CEMIP: variants seen among roughly 807,000 people sequenced by gnomAD.
CEMIP encodes cell migration-inducing and hyaluronan-binding protein.
Under a neutral mutation model 156.9 loss-of-function variants are expected in CEMIP, and 105 were observed. The observed-to-expected ratio is 0.67, with a 90% confidence interval of 0.57 to 0.79. The LOEUF (loss-of-function observed/expected upper bound fraction) is 0.79, where lower values mean the gene tolerates loss of function less well. Among genes scored for constraint, CEMIP ranks in the 30% least tolerant of loss-of-function variants. The pLI is 0.00. For synonymous variants in CEMIP, 676 were observed against 668.4 expected (o/e 1.01, Z -0.17); for missense variants, 1,457 against 1,769.4 (o/e 0.82, Z 3.17).
At chr15:80,781,585 A>T (rs1220614541) in intron 1 of CEMIP, among the ~76,000 whole-genome samples, 2 of 152,198 alleles carry the variant, frequency 1.3e-5, no homozygotes, top group Non-Finnish European at 2.9e-5. Context: ...TAAAATTACA[A>T]GAAACGCAGG....
At chr15:80,848,006 GA>G (rs758910636) in intron 1 of CEMIP, among the ~76,000 whole-genome samples, 4 of 152,224 alleles carry the variant, frequency 2.6e-5, no homozygotes, top group Non-Finnish European at 4.4e-5. Context: ...CAGGGACAAA[GA>G]GGACTTTATC....
rs760624382 is a variant in CEMIP, at chr15:80,924,689, C to T, written c.2271C>T (p.Leu757=). The T allele has an allele frequency of 6.2e-7, 1 of 1,614,220 alleles. No individual in the cohort carries two copies. The highest frequency in any genetic ancestry group is 2.2e-5 in the East Asian group (1 of 44,886). Residue 757 remains leucine, a synonymous_variant, in exon 18 of 30, where the codon CTC becomes CTT. Transcript: ENST00000394685. ...CTGCCAAGGACAAGCGGCCGTTCCTCTCAATCATCTCTGCCAGGTAATCAG... is the reference window on the plus strand; with the variant it reads ...CTGCCAAGGACAAGCGGCCGTTCCTTTCAATCATCTCTGCCAGGTAATCAG... ...EASAKDKRPF[L]SIISARYSPH...
intron 25 of CEMIP, among the ~76,000 whole-genome samples, chr15:80,939,738 T>C (rs962186414): frequency 6.6e-6 from 1 of 152,212 alleles, no homozygotes; most frequent in African/African-American, 2.4e-5. Context: ...AGTTGGGTTA[T>C]AGGGGGTCTG....
chr15:80,928,420 T>C (rs375159331), intron 19 of CEMIP, among the ~76,000 whole-genome samples: 1 of 152,082 alleles, frequency 6.6e-6, no homozygotes, highest in Non-Finnish European at 1.5e-5. Flanking sequence ...TCCTGGAAAC[T>C]TGAAAAGTAG....
At chr15:80,851,731 G>A (rs191685457) in intron 1 of CEMIP, among the ~76,000 whole-genome samples, 193 of 152,266 alleles carry the variant, frequency 1.3e-3, no homozygotes, top group Non-Finnish European at 2.0e-3. Context: ...TGGTACTAGC[G>A]TGGCCAGAGT....
rs978103078 is a variant in CEMIP, at chr15:80,951,151, G to A, written c.*2227G>A. 2.6e-5 allele frequency: 4 copies of A among 152,670 alleles called. No individual in the cohort carries two copies. Among genetic ancestry groups the A allele is most frequent in the Non-Finnish European group, 5.9e-5 (4 of 68,046 alleles). 9.5% of individuals were successfully genotyped at this position (152,670 alleles called of 1,614,324 possible). A position where few individuals can be genotyped will look rare whatever the true frequency, so the allele number is the denominator to read the frequency against. ...TCCTTCTTGTCCACGGTTTTGTTGA[G>A]TTTTCACTCTTCTAATGCAAGGGTC... On this transcript the variant is annotated 3_prime_UTR_variant, in exon 30 of 30. Coordinates refer to ENST00000394685, the MANE Select transcript of CEMIP (RefSeq NM_001293298.2).
At chr15:80,946,767 A>G in intron 28 of CEMIP, 198 bp from the exon 29 acceptor site, 1 of 604,708 alleles carries the variant, frequency 1.7e-6, no homozygotes, top group Non-Finnish European at 3.0e-6. Flanking sequence ...TGTGGGAGGG[A>G]GCTCAGGATG....
chr15:80,900,203 G>C (rs917107900), intron 12 of CEMIP, among the ~76,000 whole-genome samples: 4 of 152,216 alleles, frequency 2.6e-5, no homozygotes, highest in Admixed American at 2.0e-4. Context: ...GTGTGCGTCA[G>C]AGCATTTCTG....
intron 1 of CEMIP, among the ~76,000 whole-genome samples, chr15:80,785,787 A>G (rs1356248731): frequency 1.3e-5 from 2 of 152,156 alleles, no homozygotes; most frequent in African/African-American, 4.8e-5. Context: ...TTTCAGATGC[A>G]TGAAGTTTCT....
At chr15:80,869,198 G>C (rs1028410767) in intron 1 of CEMIP, among the ~76,000 whole-genome samples, 2 of 152,152 alleles carry the variant, frequency 1.3e-5, no homozygotes, top group Non-Finnish European at 2.9e-5. Context: ...TATTGGATTA[G>C]GGCCCACCCG....
intron 1 of CEMIP, among the ~76,000 whole-genome samples, chr15:80,858,585 T>A (rs12913146): frequency 6.6e-6 from 1 of 150,734 alleles, no homozygotes; most frequent in Non-Finnish European, 1.5e-5. Flanking sequence ...ATTAGCTGGG[T>A]GTGGTGGCAC....
At chr15:80,885,650 G>T (rs754132444) in intron 7 of CEMIP, among the ~76,000 whole-genome samples, 2 of 152,204 alleles carry the variant, frequency 1.3e-5, no homozygotes, top group African/African-American at 2.4e-5. Flanking sequence ...CCTTCCAGGA[G>T]GTGTGACTGC....
At chr15:80,858,647 C>A (rs1897911704) in intron 1 of CEMIP, among the ~76,000 whole-genome samples, 1 of 152,006 alleles carries the variant, frequency 6.6e-6, no homozygotes. Context: ...ATCCCTTGAA[C>A]CTGGGAGGCA....
At chr15:80,901,035 T>G in intron 12 of CEMIP, 1 of 451,998 alleles carries the variant, frequency 2.2e-6, no homozygotes, top group South Asian at 1.6e-5. Flanking sequence ...AATTTCAAAA[T>G]TTTGTCAACC....
chr15:80,877,202 A>T (rs549161135), intron 3 of CEMIP, among the ~76,000 whole-genome samples: 1 of 152,158 alleles, frequency 6.6e-6, no homozygotes, highest in Non-Finnish European at 1.5e-5. Flanking sequence ...GAGAGCTACA[A>T]TTCAAGATGA....
At chr15:80,904,103 G>C (rs1899686694) in intron 12 of CEMIP, among the ~76,000 whole-genome samples, 1 of 152,230 alleles carries the variant, frequency 6.6e-6, no homozygotes, top group South Asian at 2.1e-4. Context: ...TCCACGTGTG[G>C]TGTCCACTCC....
chr15:80,943,331 C>A (rs1028362126), intron 28 of CEMIP, among the ~76,000 whole-genome samples: 1 of 152,218 alleles, frequency 6.6e-6, no homozygotes, highest in South Asian at 2.1e-4. Flanking sequence ...GCAGGCGGGA[C>A]AGCCCCGCTG....
At chr15:80,854,234 G>A (rs888110954) in intron 1 of CEMIP, among the ~76,000 whole-genome samples, 6 of 152,228 alleles carry the variant, frequency 3.9e-5, no homozygotes, top group Admixed American at 6.5e-5. Context: ...CAACACGGCC[G>A]ACTAGAGCTG....
Position 80,800,021 on chromosome 15 carries a change from ATGTG to A in CEMIP, c.-176+20445_-176+20448del, listed in dbSNP as rs56412231. ...ACATAACACCATGCCAGCTAATTTT[ATGTG>A]TGTGTGTGTGTGTGTGTGTGTGTGT... On this transcript the variant is annotated intron_variant, in intron 1 of 29. Transcript: ENST00000394685. Among the ~76,000 whole-genome samples the A allele has an allele frequency of 5.6e-3, 705 of 124,888 alleles. 6 individuals carry two copies. The highest frequency in any genetic ancestry group is 0.02 in the Middle Eastern group (5 of 252). The allele number at this position is 124,888 out of a possible 152,430, so 81.9% of individuals were successfully genotyped here. A position where few individuals can be genotyped will look rare whatever the true frequency, so the allele number is the denominator to read the frequency against.
Sources: gnomAD v4.1 joint callset for allele counts (sites outside exome capture counted in the v4.1 genomes callset) on GRCh38, gnomAD v4.1.1 for gene constraint, MANE v1.5 for transcripts, NCBI Gene and HGNC (gene_info 2026-07-23, HGNC 2026-07-21) for gene names.